TBCE: variants seen among roughly 807,000 people sequenced by gnomAD.
The protein encoded by TBCE is tubulin folding cofactor E.
In TBCE, 53 loss-of-function variants were observed where a neutral mutation model predicts 77.0. The ratio of observed to expected loss-of-function variants is 0.69; its 90% CI spans 0.55 to 0.87. The LOEUF (loss-of-function observed/expected upper bound fraction) is 0.87. Ranked by LOEUF, TBCE falls within the 40% of genes least tolerant of loss-of-function variation. The pLI, the probability that TBCE is intolerant of heterozygous loss-of-function variation, is 0.00. For missense variants in TBCE, 624 were observed against 622.4 expected, an observed-to-expected ratio of 1.00 and a Z score of -0.03; for synonymous variants, 235 against 241.3, an observed-to-expected ratio of 0.97 and a Z score of 0.24.
chr1:235,377,931 A>G (rs1332142015), intron 1 of TBCE, among the ~76,000 whole-genome samples: 1 of 151,938 alleles, frequency 6.6e-6, no homozygotes, highest in Non-Finnish European at 1.5e-5. Context: ...GATTACAGAC[A>G]TGAGCCACCA....
intron 13 of TBCE, among the ~76,000 whole-genome samples, chr1:235,440,057 G>A (rs376437249): frequency 1.3e-5 from 2 of 151,776 alleles, no homozygotes; most frequent in East Asian, 2.0e-4. Flanking sequence ...TGCAAGCTCC[G>A]CCTCCCGGGT....
chr1:235,374,449 G>C (rs1051345425), intron 1 of TBCE, among the ~76,000 whole-genome samples: 2 of 146,074 alleles, frequency 1.4e-5, no homozygotes, highest in African/African-American at 5.3e-5. Context: ...AGGTTTGGGA[G>C]ATGAAGACAG....
At chr1:235,371,095 TGCCCAGGCTAGA>T (rs1485409974) in intron 1 of TBCE, among the ~76,000 whole-genome samples, 10 of 126,060 alleles carry the variant, frequency 7.9e-5, no homozygotes, top group Non-Finnish European at 1.6e-4. Flanking sequence ...TTGCTCTTGC[TGCCCAGGCTAGA>T]GTGCAATTGC....
chr1:235,378,244 A>C (rs1677416327), intron 1 of TBCE, among the ~76,000 whole-genome samples: 1 of 152,136 alleles, frequency 6.6e-6, no homozygotes, highest in Admixed American at 6.6e-5. Flanking sequence ...GTTTTGAGAC[A>C]GGCTCTAGCT....
intron 1 of TBCE, among the ~76,000 whole-genome samples, chr1:235,370,455 C>G (rs1410736507): frequency 2.0e-5 from 3 of 150,946 alleles, no homozygotes; most frequent in Admixed American, 2.0e-4. Flanking sequence ...GTTTCACCAT[C>G]TTGGCCAGGT....
In TBCE at chr1:235,438,872, T is replaced by C. The variant is rs373712859; in HGVS notation, c.1220T>C (p.Leu407Pro). 2 of 1,613,974 alleles carry C rather than the reference T, an allele frequency of 1.2e-6. No individual in the cohort carries two copies. The highest frequency in any genetic ancestry group is 1.3e-5 in the African/African-American group (1 of 74,898). ...CATAAGGATCCGGAAAAAAACAGAC[T>C]CAGCGAAGAATTCCTCACAGCCCAT... ...GGHKDPEKNR[L>P]SEEFLTAHPR... Residue 407 changes from leucine to proline, a missense_variant, in exon 13 of 17, where the codon CTC (leucine) becomes CCC (proline). Leu to Pro is a moderately conservative substitution (Grantham distance 98). Transcript: ENST00000642610.
At chr1:235,444,185 T>C (rs1252829501) in intron 15 of TBCE, among the ~76,000 whole-genome samples, 2 of 152,228 alleles carry the variant, frequency 1.3e-5, no homozygotes, top group Non-Finnish European at 2.9e-5. Flanking sequence ...AGAAGTACCT[T>C]TCTGATTGAT....
At chr1:235,410,465 GAT>G (rs1679719742) in intron 3 of TBCE, among the ~76,000 whole-genome samples, 1 of 152,116 alleles carries the variant, frequency 6.6e-6, no homozygotes, top group Non-Finnish European at 1.5e-5. Flanking sequence ...TAGCAGTGAG[GAT>G]GACCAGAGGT....
At chr1:235,426,036 G>C (rs1042491265) in intron 5 of TBCE, among the ~76,000 whole-genome samples, 5 of 152,132 alleles carry the variant, frequency 3.3e-5, no homozygotes, top group African/African-American at 1.2e-4. Context: ...CGATGCTCCT[G>C]GCCCTAAATA....
intron 5 of TBCE, among the ~76,000 whole-genome samples, chr1:235,423,329 A>G (rs1405523046): frequency 6.6e-6 from 1 of 151,946 alleles, no homozygotes; most frequent in Non-Finnish European, 1.5e-5. Flanking sequence ...CCACATATTG[A>G]CAGCTGTTGT....
rs187319429 is a variant in TBCE, at chr1:235,370,891, G to A, written c.-32+3387G>A. ...TGAGTAGCTGGGATTACAGGCGCACGCCACCACGCCCAGCTCTTTTTTGTA... is the reference window on the plus strand; with the variant it reads ...TGAGTAGCTGGGATTACAGGCGCACACCACCACGCCCAGCTCTTTTTTGTA... On this transcript the variant is annotated intron_variant, in intron 1 of 16. Coordinates refer to ENST00000642610, the MANE Select transcript of TBCE (RefSeq NM_003193.5). 4.9e-4 allele frequency among the ~76,000 whole-genome samples: 74 copies of A among 150,726 alleles called. No individual in the cohort carries two copies. In the Middle Eastern group the frequency reaches 0.01, roughly 21 times the overall value.
intron 13 of TBCE, 193 bp downstream of exon 13, chr1:235,439,115 C>A: frequency 1.5e-6 from 1 of 671,742 alleles, no homozygotes; most frequent in South Asian, 1.8e-5. Context: ...TATCTTTCAG[C>A]AGGAGGAACC....
At chr1:235,425,380 T>A (rs778683303) in intron 5 of TBCE, among the ~76,000 whole-genome samples, 6 of 152,106 alleles carry the variant, frequency 3.9e-5, no homozygotes, top group African/African-American at 1.4e-4. Flanking sequence ...TTCTGCCCTC[T>A]CATGCTGCTG....
intron 13 of TBCE, among the ~76,000 whole-genome samples, chr1:235,440,226 T>C (rs952550266): frequency 6.6e-6 from 1 of 152,146 alleles, no homozygotes; most frequent in Admixed American, 6.5e-5. Context: ...CACCTTGGCC[T>C]CCCAGAGTGC....
intron 8 of TBCE, 111 bp downstream of exon 8, chr1:235,434,391 A>T (rs1358427120): frequency 2.1e-6 from 2 of 951,062 alleles, no homozygotes; most frequent in Non-Finnish European, 3.4e-6. Context: ...GCAAACAAGA[A>T]TTAGGAAAAA....
At chr1:235,441,567 A>C in intron 13 of TBCE, 1 of 530,212 alleles carries the variant, frequency 1.9e-6, no homozygotes, top group East Asian at 3.2e-5. Context: ...GTTGAGTTTC[A>C]CTGGTCATTA....
At chr1:235,381,779 CTTT>C (rs200258047) in intron 2 of TBCE, among the ~76,000 whole-genome samples, 2 of 135,556 alleles carry the variant, frequency 1.5e-5, no homozygotes. Context: ...AATTATTTTT[CTTT>C]TTTTTCTTTT....
At chr1:235,447,433 ATAGTG>A (rs1242800179) in intron 15 of TBCE, among the ~76,000 whole-genome samples, 1 of 152,228 alleles carries the variant, frequency 6.6e-6, no homozygotes, top group Non-Finnish European at 1.5e-5. Context: ...AAAGAAGTTC[ATAGTG>A]TATTCTGAAC....
chr1:235,434,150 G>T, intron 7 of TBCE, 54 bp from the exon 8 acceptor site: 3 of 1,530,020 alleles, frequency 2.0e-6, no homozygotes, highest in South Asian at 2.2e-5. Flanking sequence ...ATGAACACCC[G>T]GGAAGAAACA....
Sources: allele counts gnomAD v4.1 joint callset (sites outside exome capture counted in the v4.1 genomes callset), GRCh38; gene constraint gnomAD v4.1.1; transcripts MANE v1.5; gene names NCBI Gene and HGNC (gene_info 2026-07-23, HGNC 2026-07-21).